ZNF708: variants seen among roughly 807,000 people sequenced by gnomAD.
ZNF708 encodes the protein ZNF15, ZNF15L1.
In ZNF708, 44 loss-of-function variants were observed where a neutral mutation model predicts 47.0. The ratio of observed to expected loss-of-function variants is 0.94; its 90% confidence interval spans 0.74 to 1.20. The LOEUF (loss-of-function observed/expected upper bound fraction) is 1.20. ZNF708 is among the 50% of genes most tolerant of loss of function. ZNF708 has a pLI of 0.00. For synonymous variants in ZNF708, 184 were observed against 218.5 expected, an observed-to-expected ratio of 0.84 and a Z score of 1.39; for missense variants, 557 against 656.0, an observed-to-expected ratio of 0.85 and a Z score of 1.65.
At chr19:21,305,602 G>A (rs1972747384) in intron 3 of ZNF708, among the ~76,000 whole-genome samples, 1 of 151,696 alleles carries the variant, frequency 6.6e-6, no homozygotes, top group African/African-American at 2.4e-5. Context: ...GGGAATACAG[G>A]CACCCGCCAC....
At position 21,294,760 on chromosome 19, in the gene ZNF708, A is replaced by C. The variant is rs561131772; in HGVS notation, c.227-21T>G. On this transcript the variant is annotated intron_variant, in intron 3 of 3. Transcript: ENST00000356929. ...CATAGCTGAAAGAAATAAAAATAAC[A>C]AATTATTCCATTTACTCAACTCAGA... 1.9e-6 allele frequency: 3 copies of C among 1,541,126 alleles called. No homozygotes were observed. The East Asian group carries it at 6.8e-5, about 35-fold the overall frequency.
intron 1 of ZNF708, among the ~76,000 whole-genome samples, chr19:21,325,776 G>A (rs1261108659): frequency 6.6e-6 from 1 of 152,070 alleles, no homozygotes; most frequent in Non-Finnish European, 1.5e-5. Flanking sequence ...AGAGTAAACA[G>A]ACAACACATA....
At chr19:21,301,216 C>G (rs2145156530) in intron 3 of ZNF708, among the ~76,000 whole-genome samples, 1 of 152,198 alleles carries the variant, frequency 6.6e-6, no homozygotes, top group South Asian at 2.1e-4. Flanking sequence ...GTGGCTCACC[C>G]CTGTAATCCC....
Position 21,294,151 on chromosome 19 carries a change from A to G in ZNF708, c.815T>C (p.Ile272Thr). ...GTAGGGTTTCTCTCCAGTATGAACT[A>G]TCTTATGTTTAGTAAGGTTTGAGGA... ...NRSSNLTKHK[I>T]VHTGEKPYKC... Residue 272 changes from isoleucine to threonine, a missense_variant, in exon 4 of 4, where the codon ATA becomes ACA. By Grantham distance (89) the Ile-to-Thr change is moderately conservative. Coordinates refer to ENST00000356929, the MANE Select transcript of ZNF708 (RefSeq NM_021269.3). The G allele has an allele frequency of 1.9e-6, 3 of 1,610,686 alleles. No individual in the cohort carries two copies. The highest frequency in any genetic ancestry group is 2.5e-6 in the Non-Finnish European group (3 of 1,179,086).
chr19:21,319,278 C>A (rs1374112245), intron 1 of ZNF708, among the ~76,000 whole-genome samples: 1 of 152,134 alleles, frequency 6.6e-6, no homozygotes, highest in Non-Finnish European at 1.5e-5. Context: ...AGTTTATACA[C>A]TGAACTGTTC....
chr19:21,317,579 T>C (rs1015345919), intron 1 of ZNF708, among the ~76,000 whole-genome samples: 2 of 152,122 alleles, frequency 1.3e-5, no homozygotes, highest in Admixed American at 1.3e-4. Context: ...CAAGAGAAAT[T>C]ATCTCCAGCC....
At chr19:21,319,079 A>G (rs187182443) in intron 1 of ZNF708, among the ~76,000 whole-genome samples, 27 of 152,340 alleles carry the variant, frequency 1.8e-4, no homozygotes, top group African/African-American at 6.5e-4. Flanking sequence ...ATATTTCAGA[A>G]GTATAAATAA....
chr19:21,293,916 G>C lies in ZNF708; in HGVS notation c.1050C>G (p.Thr350=). The C allele has an allele frequency of 6.2e-7, 1 of 1,611,610 alleles. No individual in the cohort carries two copies. Among genetic ancestry groups the C allele is most frequent in the Non-Finnish European group, 8.5e-7 (1 of 1,179,192 alleles). Residue 350 remains threonine, a synonymous_variant, in exon 4 of 4, where the codon ACC becomes ACG. Coordinates refer to ENST00000356929, the MANE Select transcript of ZNF708 (RefSeq NM_021269.3). ...ECGKAFSVFS[T]LTKHKIIHTE... is the part of the protein sequence containing the mutation. ...TATGAATTATCTTATGTTTAGTAAGGGTTGAAAATACACTAAAAGCTTTGC... is the reference window on the plus strand; with the variant it reads ...TATGAATTATCTTATGTTTAGTAAGCGTTGAAAATACACTAAAAGCTTTGC...
chr19:21,324,836 C>T (rs1973224333), intron 1 of ZNF708, among the ~76,000 whole-genome samples: 1 of 152,088 alleles, frequency 6.6e-6, no homozygotes, highest in African/African-American at 2.4e-5. Context: ...CAGAGATATT[C>T]ACTGTCACAA....
intron 1 of ZNF708, chr19:21,328,086 C>T (rs1973298619): frequency 1.1e-6 from 1 of 897,898 alleles, no homozygotes; most frequent in African/African-American, 1.8e-5. Context: ...CAGGAAAAAA[C>T]TGAAGGGTGG....
chr19:21,311,568 T>A (rs190652237), intron 1 of ZNF708, among the ~76,000 whole-genome samples: 1 of 151,986 alleles, frequency 6.6e-6, no homozygotes, highest in Non-Finnish European at 1.5e-5. Flanking sequence ...GATAAACATA[T>A]CTTTCCCGTT....
chr19:21,294,808 A>T, intron 3 of ZNF708, 69 bp from the exon 4 acceptor site: 6 of 1,394,980 alleles, frequency 4.3e-6, no homozygotes, highest in Non-Finnish European at 5.7e-6. Context: ...AATCTAACTT[A>T]TACCAACTAT....
chr19:21,317,137 A>C (rs1386798406), intron 1 of ZNF708, among the ~76,000 whole-genome samples: 3 of 150,706 alleles, frequency 2.0e-5, no homozygotes, highest in African/African-American at 7.3e-5. Context: ...AAAATTAGCC[A>C]GGCATGGTGG....
intron 3 of ZNF708, among the ~76,000 whole-genome samples, chr19:21,303,003 G>A (rs760892015): frequency 1.6e-4 from 24 of 152,104 alleles, no homozygotes; most frequent in Non-Finnish European, 2.9e-4. Flanking sequence ...ATCCTAGGAT[G>A]TTGTGAGGTC....
intron 3 of ZNF708, among the ~76,000 whole-genome samples, chr19:21,295,951 A>G (rs538581184): frequency 1.3e-5 from 2 of 152,188 alleles, no homozygotes; most frequent in Non-Finnish European, 2.9e-5. Flanking sequence ...GAACACAGAC[A>G]ACTACTGAAG....
intron 1 of ZNF708, among the ~76,000 whole-genome samples, chr19:21,320,717 T>G (rs1973110947): frequency 7.8e-6 from 1 of 128,472 alleles, no homozygotes; most frequent in Non-Finnish European, 1.7e-5. Flanking sequence ...ATAAAAGATC[T>G]AATAAAAACA....
intron 3 of ZNF708, among the ~76,000 whole-genome samples, chr19:21,298,715 C>T (rs1467740801): frequency 1.3e-5 from 2 of 152,044 alleles, no homozygotes; most frequent in Non-Finnish European, 2.9e-5. Context: ...AAATAGAATC[C>T]AGCACATGAA....
intron 1 of ZNF708, among the ~76,000 whole-genome samples, chr19:21,325,959 A>G (rs895203951): frequency 1.3e-5 from 2 of 152,222 alleles, no homozygotes; most frequent in Non-Finnish European, 2.9e-5. Flanking sequence ...AACATATGAA[A>G]AAATCCTCAA....
chr19:21,293,724 A>T lies in ZNF708; in HGVS notation c.1242T>A (p.His414Gln), dbSNP rs1972451228. 1.2e-6 allele frequency: 2 copies of T among 1,613,350 alleles called. No individual in the cohort carries two copies. The highest frequency in any genetic ancestry group is 1.7e-6 in the Non-Finnish European group (2 of 1,179,798). The change falls in exon 4 of 4, where the codon CAT becomes CAA. Residue 414 changes from histidine (H) to glutamine (Q), a missense_variant. By Grantham distance (24) the His-to-Gln change is conservative. Transcript: ENST00000356929. ...CACATTTGTAGGGTTTCTTTCCAGTATGAATTACCTTATGATAAGTAAGAG... is the reference window on the plus strand; with the variant it reads ...CACATTTGTAGGGTTTCTTTCCAGTTTGAATTACCTTATGATAAGTAAGAG... ...SSTLTYHKVI[H>Q]TGKKPYKCEE...
Sources: gnomAD v4.1 joint callset for allele counts (sites outside exome capture counted in the v4.1 genomes callset) on GRCh38, gnomAD v4.1.1 for gene constraint, MANE v1.5 for transcripts, NCBI Gene and HGNC (gene_info 2026-07-23, HGNC 2026-07-21) for gene names.